Variants in KCNK3 observed in about 807,000 individuals in gnomAD.
KCNK3 encodes potassium two pore domain channel subfamily K member 3.
Under a neutral mutation model 27.3 loss-of-function variants are expected in KCNK3, and 9 were observed. The ratio of observed to expected loss-of-function variants is 0.33; its 90% CI spans 0.20 to 0.57. KCNK3 has a LOEUF of 0.57. Among genes scored for constraint, KCNK3 ranks in the 20% least tolerant of loss-of-function variants. KCNK3 has a pLI of 0.87. For missense variants in KCNK3, 391 were observed against 577.7 expected (o/e 0.68, Z 3.31); for synonymous variants, 278 against 273.8 (o/e 1.02, Z -0.15).
chr2:26,714,860 T>C (rs941265959), intron 1 of KCNK3, among the ~76,000 whole-genome samples: 19 of 151,538 alleles, frequency 1.3e-4, no homozygotes, highest in Non-Finnish European at 2.1e-4. Context: ...CACTCCAGCC[T>C]GGGTGACAGA....
chr2:26,695,044 G>A (rs1161221178), intron 1 of KCNK3, among the ~76,000 whole-genome samples: 2 of 152,082 alleles, frequency 1.3e-5, no homozygotes, highest in Non-Finnish European at 2.9e-5. Context: ...CATGGAATCT[G>A]GTCTATGCTC....
chr2:26,703,628 G>A (rs1670335488), intron 1 of KCNK3, among the ~76,000 whole-genome samples: 1 of 152,156 alleles, frequency 6.6e-6, no homozygotes, highest in South Asian at 2.1e-4. Context: ...CATTTGAGAT[G>A]TCCCGAAATC....
chr2:26,720,905 C>G (rs12992959), intron 1 of KCNK3, among the ~76,000 whole-genome samples: 62,205 of 152,076 alleles, frequency 0.41, 14,879 homozygotes, highest in Non-Finnish European at 0.53. Flanking sequence ...CTCCATGAGA[C>G]CCGGTGGTTC....
intron 1 of KCNK3, among the ~76,000 whole-genome samples, chr2:26,724,858 G>A (rs535710560): frequency 6.6e-6 from 1 of 152,260 alleles, no homozygotes; most frequent in Admixed American, 6.5e-5. Flanking sequence ...GAGAGGCGAA[G>A]GAGGGCCACG....
At chr2:26,716,211 G>A (rs1478455722) in intron 1 of KCNK3, among the ~76,000 whole-genome samples, 1 of 152,160 alleles carries the variant, frequency 6.6e-6, no homozygotes, top group Admixed American at 6.5e-5. Flanking sequence ...TATGGCCTGA[G>A]ATGAAACACT....
Position 26,693,298 on chromosome 2 carries a change from G to A in KCNK3, c.283+140G>A. 2.4e-6 allele frequency: 2 copies of A among 842,494 alleles called. No homozygotes were observed. Among genetic ancestry groups the A allele is most frequent in the East Asian group, 3.2e-5 (1 of 31,006 alleles). 52.2% of individuals were successfully genotyped at this position (842,494 alleles called of 1,614,324 possible). On this transcript the variant is annotated intron_variant, in intron 1 of 1. Transcript: ENST00000302909. This position sits in a 1 kb window ranked among gnomAD's most constrained non-coding sequence, Gnocchi z 5.5. Reference sequence around the variant, plus strand: ...GAACCCTGCGCTCGCAGAAACCCGAGTTCAGCCTGGCGTGTGTGCTCCGCG... The same window carrying A: ...GAACCCTGCGCTCGCAGAAACCCGAATTCAGCCTGGCGTGTGTGCTCCGCG...
At chr2:26,704,633 G>T (rs1572604431) in intron 1 of KCNK3, among the ~76,000 whole-genome samples, 1 of 152,228 alleles carries the variant, frequency 6.6e-6, no homozygotes, top group African/African-American at 2.4e-5. Flanking sequence ...ATCTACACAG[G>T]CACTGAGACA....
intron 1 of KCNK3, among the ~76,000 whole-genome samples, chr2:26,724,036 A>G (rs779483061): frequency 6.6e-5 from 10 of 152,244 alleles, no homozygotes; most frequent in Non-Finnish European, 1.2e-4. Flanking sequence ...ATGGGCAAGG[A>G]CCAGGCAGGC....
At chr2:26,727,614 G>T (rs1483624201) in intron 1 of KCNK3, 53 bp from the exon 2 acceptor site, 1 of 1,511,450 alleles carries the variant, frequency 6.6e-7, no homozygotes, top group Non-Finnish European at 8.8e-7. Context: ...AAGGTTTCTG[G>T]AAGGGCAGCC....
chr2:26,715,204 CAGTTTCCTT>C (rs1385360320), intron 1 of KCNK3, among the ~76,000 whole-genome samples: 2 of 152,266 alleles, frequency 1.3e-5, no homozygotes, highest in Non-Finnish European at 2.9e-5. Flanking sequence ...TTCTGTGTCT[CAGTTTCCTT>C]ATCTGCAAAG....
At chr2:26,694,481 T>A (rs1670210136) in intron 1 of KCNK3, among the ~76,000 whole-genome samples, 1 of 152,120 alleles carries the variant, frequency 6.6e-6, no homozygotes, top group Non-Finnish European at 1.5e-5. Context: ...CTGCGGTCTA[T>A]CCACTGCAGG....
chr2:26,725,910 C>T (rs976276849), intron 1 of KCNK3, among the ~76,000 whole-genome samples: 1 of 152,196 alleles, frequency 6.6e-6, no homozygotes, highest in Non-Finnish European at 1.5e-5. Context: ...TCTGGCACTT[C>T]ACTCATTATT....
chr2:26,710,030 G>A (rs1248522878), intron 1 of KCNK3, among the ~76,000 whole-genome samples: 1 of 152,220 alleles, frequency 6.6e-6, no homozygotes, highest in African/African-American at 2.4e-5. Context: ...GGAAAGCTCT[G>A]CTTTTTCTCT....
At chr2:26,717,195 A>T (rs1572611078) in intron 1 of KCNK3, among the ~76,000 whole-genome samples, 1 of 151,972 alleles carries the variant, frequency 6.6e-6, no homozygotes, top group South Asian at 2.1e-4. Flanking sequence ...ATGCACCATC[A>T]CCCTCTGGGC....
chr2:26,694,588 G>A (rs1327692343), intron 1 of KCNK3, among the ~76,000 whole-genome samples: 1 of 152,138 alleles, frequency 6.6e-6, no homozygotes, highest in Non-Finnish European at 1.5e-5. Context: ...AAAGGGCCCT[G>A]GGAGTGGATG....
At position 26,731,781 on chromosome 2, in the gene KCNK3, C is replaced by A. The variant is rs1189525795; in HGVS notation, c.*3213C>A. ...CCCCCGTACATGAGTAACTGAGGCC[C>A]ACAGAGAGCAAATCGCCTGCCTGAG... On this transcript the variant is annotated 3_prime_UTR_variant, in exon 2 of 2. Coordinates refer to ENST00000302909, the MANE Select transcript of KCNK3 (RefSeq NM_002246.3). 1.3e-5 allele frequency: 2 copies of A among 152,226 alleles called. No homozygotes were observed. Among genetic ancestry groups the A allele is most frequent in the Admixed American group, 1.3e-4 (2 of 15,284 alleles). 9.4% of individuals were successfully genotyped at this position (152,226 alleles called of 1,614,324 possible).
At position 26,692,792 on chromosome 2, in the gene KCNK3, C is replaced by T. The variant is rs1332768537; in HGVS notation, c.-84C>T. 1 of 766,454 alleles carries T rather than the reference C, an allele frequency of 1.3e-6. No individual in the cohort carries two copies. The highest frequency in any genetic ancestry group is 1.6e-6 in the Non-Finnish European group (1 of 631,654). The allele number at this position is 766,454 out of a possible 1,614,324, so 47.5% of individuals were successfully genotyped here. ...CGGCGAGCGCAGCCATGCCCCAGGC[C>T]GCCTCCGGGGCAGCAGCAGCGGCGG... is the stretch of plus-strand genomic sequence containing the variant. On this transcript the variant is annotated 5_prime_UTR_variant, in exon 1 of 2. Transcript: ENST00000302909. This position sits in a 1 kb window ranked among gnomAD's most constrained non-coding sequence, Gnocchi z 5.6.
At chr2:26,698,058 A>G (rs1249589735) in intron 1 of KCNK3, among the ~76,000 whole-genome samples, 2 of 152,106 alleles carry the variant, frequency 1.3e-5, no homozygotes, top group African/African-American at 4.8e-5. Flanking sequence ...CCCTGACTAG[A>G]AGCCAGGCCT....
In KCNK3 at chr2:26,727,663, C is replaced by T. The variant is rs1228131829; in HGVS notation, c.284-4C>T. ...TTTTTCTCCTCTTTCCCACTTTCCC[C>T]CAGGCTACGGGCACGCGGCACCCAG... On this transcript the variant is annotated splice_polypyrimidine_tract_variant and splice_region_variant and intron_variant, in intron 1 of 1. Coordinates refer to ENST00000302909, the MANE Select transcript of KCNK3 (RefSeq NM_002246.3). 3 of 1,510,454 alleles carry T rather than the reference C, an allele frequency of 2.0e-6. No homozygotes were observed. Among genetic ancestry groups the T allele is most frequent in the East Asian group, 4.6e-5 (2 of 43,552 alleles). The allele number at this position is 1,510,454 out of a possible 1,614,324, so 93.6% of individuals were successfully genotyped here.
Sources: allele counts gnomAD v4.1 joint callset (sites outside exome capture counted in the v4.1 genomes callset), GRCh38; gene constraint gnomAD v4.1.1; non-coding constraint Gnocchi (gnomAD v3.1); transcripts MANE v1.5; gene names NCBI Gene and HGNC (gene_info 2026-07-23, HGNC 2026-07-21).